The following SLC24A4 variants were observed in gnomAD, a reference collection of about 807,000 sequenced individuals.
SLC24A4 encodes the protein sodium/potassium/calcium exchanger 4.
SLC24A4 carries 53 observed loss-of-function variants against 79.0 expected under a neutral mutation model. The ratio of observed to expected loss-of-function variants is 0.67; its 90% CI spans 0.54 to 0.84. The LOEUF is 0.84. Ranked by LOEUF, SLC24A4 falls within the 40% of genes least tolerant of loss-of-function variation. The probability of loss-of-function intolerance (pLI) is 0.00; values close to 1 mark genes in which losing one functional copy is unlikely to be tolerated. For synonymous variants in SLC24A4, 323 were observed against 323.8 expected (o/e 1.00, Z 0.03); for missense variants, 731 against 822.0 (o/e 0.89, Z 1.35).
At chr14:92,382,960 C>G (rs978293561) in intron 2 of SLC24A4, among the ~76,000 whole-genome samples, 1 of 152,178 alleles carries the variant, frequency 6.6e-6, no homozygotes, top group Non-Finnish European at 1.5e-5. Context: ...CCTGCCTCTT[C>G]CCTCTCCAGC....
chr14:92,373,336 G>A (rs1373930212), intron 2 of SLC24A4, among the ~76,000 whole-genome samples: 1 of 152,024 alleles, frequency 6.6e-6, no homozygotes, highest in African/African-American at 2.4e-5. Flanking sequence ...GAGCCACCAC[G>A]CCTGGCCAGC....
chr14:92,449,813 G>A (rs1045674821), intron 10 of SLC24A4, among the ~76,000 whole-genome samples: 5 of 152,218 alleles, frequency 3.3e-5, no homozygotes, highest in South Asian at 2.1e-4. Context: ...CAGCAGCCTC[G>A]TCTCCCCAGC....
intron 2 of SLC24A4, among the ~76,000 whole-genome samples, chr14:92,381,036 A>T (rs1315252195): frequency 6.6e-6 from 1 of 152,192 alleles, no homozygotes; most frequent in Non-Finnish European, 1.5e-5. Context: ...CACAACACTG[A>T]TCTAGAACCA....
chr14:92,329,809 C>G (rs912793125), intron 2 of SLC24A4, among the ~76,000 whole-genome samples: 1 of 152,248 alleles, frequency 6.6e-6, no homozygotes, highest in African/African-American at 2.4e-5. Context: ...GCCCTCCTCC[C>G]TATGTTGTTT....
In SLC24A4 at chr14:92,495,355, T is replaced by C. The variant is rs576880184; in HGVS notation, c.*1727T>C. 6.6e-6 allele frequency: 1 copy of C among 152,196 alleles called. No homozygotes were observed. The highest frequency in any genetic ancestry group is 1.5e-5 in the Non-Finnish European group (1 of 68,036). The allele number at this position is 152,196 out of a possible 1,614,324, so 9.4% of individuals were successfully genotyped here. A position where few individuals can be genotyped will look rare whatever the true frequency, so the allele number is the denominator to read the frequency against. On this transcript the variant is annotated 3_prime_UTR_variant, in exon 17 of 17. Coordinates refer to ENST00000532405, the MANE Select transcript of SLC24A4 (RefSeq NM_153646.4). ...TTTGGGATTCACATCAGTATTAGTA[T>C]CGTAGCTACACCAAGTTCAGGCTTC...
At position 92,325,939 on chromosome 14, in the gene SLC24A4, G is replaced by C. The variant is rs1344187268; in HGVS notation, c.202G>C (p.Val68Leu). The C allele has an allele frequency of 2.5e-6, 4 of 1,613,014 alleles. No homozygotes were observed. Among genetic ancestry groups the C allele is most frequent in the Non-Finnish European group, 3.4e-6 (4 of 1,179,472 alleles). ...TWRNRKLMAP[V>L]NGTQTAKNCT... ...GAGAAATAGAAAGTTGATGGCCCCA[G>C]TGAATGGGACACAGACAGCCAAGAA... Residue 68 changes from valine (V) to leucine (L), a missense_variant, in exon 2 of 17, where the codon GTG (valine) becomes CTG (leucine). Physicochemically the swap from Val to Leu is conservative, Grantham distance 32. Coordinates refer to ENST00000532405, the MANE Select transcript of SLC24A4 (RefSeq NM_153646.4).
At chr14:92,352,966 T>C (rs2141648373) in intron 2 of SLC24A4, among the ~76,000 whole-genome samples, 1 of 152,378 alleles carries the variant, frequency 6.6e-6, no homozygotes, top group Middle Eastern at 3.4e-3. Context: ...GGAGAGTAAC[T>C]GTGCAGTTCA....
At position 92,441,578 on chromosome 14, in the gene SLC24A4, G is replaced by T. The variant is rs959594890; in HGVS notation, c.394-511G>T. ...AGTACCCAAAACCGGCATGGGAGGG[G>T]ATGGTCACTAGACTAGTGTGTGCCT... is the stretch of plus-strand genomic sequence containing the variant. On this transcript the variant is annotated intron_variant, in intron 4 of 16. Coordinates refer to ENST00000532405, the MANE Select transcript of SLC24A4 (RefSeq NM_153646.4). This position sits in a 1 kb window ranked among gnomAD's most constrained non-coding sequence, Gnocchi z 4.6. Among the ~76,000 whole-genome samples the T allele has an allele frequency of 6.6e-6, 1 of 152,232 alleles. No homozygotes were observed. Among genetic ancestry groups the T allele is most frequent in the Non-Finnish European group, 1.5e-5 (1 of 68,048 alleles).
chr14:92,415,014 G>T (rs993803156), intron 2 of SLC24A4, among the ~76,000 whole-genome samples: 1 of 152,186 alleles, frequency 6.6e-6, no homozygotes, highest in African/African-American at 2.4e-5. Flanking sequence ...CCTTTCCCTT[G>T]GGTGTGCACC....
At chr14:92,478,648 G>GGT (rs528151511) in intron 12 of SLC24A4, among the ~76,000 whole-genome samples, 2,382 of 120,128 alleles carry the variant, frequency 0.02, 23 homozygotes, top group Middle Eastern at 0.036. Flanking sequence ...TCCCAGCTTT[G>GGT]TTTTGTTTTT....
Position 92,449,198 on chromosome 14 carries a change from G to C in SLC24A4, c.862G>C (p.Val288Leu). ...TGACGGTAGCTATGATGACCCTTCC[G>C]TGCCATTGCTGGGGCAAGGTAAGGC... Reference protein sequence around the residue: ...FYDGSYDDPSVPLLGQVKEKP... With the variant: ...FYDGSYDDPSLPLLGQVKEKP... Residue 288 changes from valine to leucine, a missense_variant, in exon 10 of 17, where the codon GTG becomes CTG. Coordinates refer to ENST00000532405, the MANE Select transcript of SLC24A4 (RefSeq NM_153646.4). 1 of 1,614,084 alleles carries C rather than the reference G, an allele frequency of 6.2e-7. No homozygotes were observed. The highest frequency in any genetic ancestry group is 8.5e-7 in the Non-Finnish European group (1 of 1,180,014).
chr14:92,339,233 G>T (rs1885988173), intron 2 of SLC24A4, among the ~76,000 whole-genome samples: 1 of 152,204 alleles, frequency 6.6e-6, no homozygotes, highest in Admixed American at 6.5e-5. Flanking sequence ...TAAGACGAGG[G>T]GGAGTACACA....
chr14:92,484,113 C>T lies in SLC24A4; in HGVS notation c.1422+1267C>T, dbSNP rs146234493. 1,842 of 985,374 alleles carry T rather than the reference C, an allele frequency of 1.9e-3. 30 individuals are homozygous for T. In the African/African-American group the frequency reaches 0.03, roughly 16 times the overall value. 61.0% of individuals were successfully genotyped at this position (985,374 alleles called of 1,614,324 possible). On this transcript the variant is annotated intron_variant, in intron 13 of 16. Coordinates refer to ENST00000532405, the MANE Select transcript of SLC24A4 (RefSeq NM_153646.4). The stretch of plus-strand genomic sequence containing the variant: ...CCATTGGGAGAATGAAAAGAGAGCC[C>T]AGCACATTCTAGGCACTTGGCCAAT...
At chr14:92,484,592 C>G in intron 13 of SLC24A4, 3 of 985,354 alleles carry the variant, frequency 3.0e-6, no homozygotes, top group Non-Finnish European at 3.6e-6. Context: ...AGAGGCAGAA[C>G]CACTCCAAGC....
chr14:92,388,462 CCGACTCT>C (rs34755843), intron 2 of SLC24A4, among the ~76,000 whole-genome samples: 25,586 of 152,042 alleles, frequency 0.17, 2,286 homozygotes, highest in Middle Eastern at 0.22. Flanking sequence ...CTCCCAGTGG[CCGACTCT>C]CGATCTTCTT....
chr14:92,416,245 G>A (rs1444111355), intron 2 of SLC24A4, among the ~76,000 whole-genome samples: 2 of 152,112 alleles, frequency 1.3e-5, no homozygotes, highest in Non-Finnish European at 2.9e-5. Flanking sequence ...TAGGTAAGCA[G>A]AGTGAGGGAG....
At chr14:92,424,975 G>T (rs1017454014) in intron 2 of SLC24A4, among the ~76,000 whole-genome samples, 1 of 152,152 alleles carries the variant, frequency 6.6e-6, no homozygotes, top group Non-Finnish European at 1.5e-5. Context: ...ATTCCTGAGG[G>T]ACCTGCCCCC....
intron 2 of SLC24A4, among the ~76,000 whole-genome samples, chr14:92,335,510 A>G (rs1249466645): frequency 7.1e-6 from 1 of 140,424 alleles, no homozygotes; most frequent in East Asian, 2.1e-4. Context: ...ATGTGCCACC[A>G]CGCCCAGCTA....
intron 2 of SLC24A4, among the ~76,000 whole-genome samples, chr14:92,372,943 C>T (rs377209738): frequency 1.6e-4 from 20 of 126,216 alleles, no homozygotes; most frequent in African/African-American, 4.0e-4. Flanking sequence ...TTCTTTTTCT[C>T]TCTCTCTCTC....
Sources: gnomAD v4.1 joint callset for allele counts (sites outside exome capture counted in the v4.1 genomes callset) on GRCh38, gnomAD v4.1.1 for gene constraint, Gnocchi (gnomAD v3.1) non-coding constraint, MANE v1.5 for transcripts, NCBI Gene and HGNC (gene_info 2026-07-23, HGNC 2026-07-21) for gene names.